The following LYZL4 variants were observed in gnomAD, a reference collection of about 807,000 sequenced individuals.
LYZL4 encodes the protein lysozyme-like protein 4.
Under a neutral mutation model 17.6 loss-of-function variants are expected in LYZL4, and 13 were observed. The ratio of observed to expected loss-of-function variants is 0.74; its 90% CI spans 0.48 to 1.18. The LOEUF is 1.18. Ranked by LOEUF, LYZL4 falls within the 50% of genes most tolerant of loss-of-function variation. The pLI is 0.00. For missense variants in LYZL4, 174 were observed against 188.2 expected (o/e 0.92, Z 0.44); for synonymous variants, 64 against 67.7 (o/e 0.95, Z 0.27).
chr3:42,381,049 G>A, the LYZL4 span, among the ~76,000 whole-genome samples: 1 of 152,204 alleles, frequency 6.6e-6, no homozygotes, highest in Non-Finnish European at 1.5e-5. Context: ...AAAACTCAAT[G>A]TTGCAGACCT....
intron 1 of LYZL4, among the ~76,000 whole-genome samples, chr3:42,408,442 TTCAAATGTTGCTGCA>T (rs1698803304): frequency 6.6e-6 from 1 of 152,158 alleles, no homozygotes; most frequent in Admixed American, 6.5e-5. Flanking sequence ...CCTTTCCCCA[TTCAAATGTTGCTGCA>T]TCTTGAGGCC....
intron 1 of LYZL4, among the ~76,000 whole-genome samples, chr3:42,408,367 A>G (rs1698799835): frequency 6.6e-6 from 1 of 151,602 alleles, no homozygotes; most frequent in Non-Finnish European, 1.5e-5. Context: ...GCACCTCCCC[A>G]CTCCATTCTC....
the LYZL4 span, among the ~76,000 whole-genome samples, chr3:42,381,865 A>G: frequency 1.4e-4 from 21 of 152,350 alleles, no homozygotes; most frequent in South Asian, 2.5e-3. Context: ...AGTCCTGGCC[A>G]GTGACTTTCA....
chr3:42,410,056 A>G (rs1221151714), intron 1 of LYZL4, among the ~76,000 whole-genome samples: 1 of 152,156 alleles, frequency 6.6e-6, no homozygotes, highest in Admixed American at 6.5e-5. Context: ...AGATTCCTTG[A>G]TCACTGCCCC....
the LYZL4 span, among the ~76,000 whole-genome samples, chr3:42,373,220 CAA>C: frequency 4.9e-3 from 743 of 151,984 alleles, 2 homozygotes; most frequent in Middle Eastern, 0.01. Flanking sequence ...AAAATAAAAA[CAA>C]AAAAAGAGTT....
chr3:42,405,109 C>T (rs1191162245), intron 3 of LYZL4, among the ~76,000 whole-genome samples: 1 of 152,038 alleles, frequency 6.6e-6, no homozygotes, highest in Non-Finnish European at 1.5e-5. Context: ...AGTACTGTGG[C>T]GCGATCTGGG....
chr3:42,406,716 C>A (rs558306950), intron 3 of LYZL4, 130 bp downstream of exon 3: 1 of 1,170,950 alleles, frequency 8.5e-7, no homozygotes, highest in Non-Finnish European at 1.2e-6. Flanking sequence ...CAGGGACCCA[C>A]CCTGGATATG....
At chr3:42,382,881 C>G in the LYZL4 span, among the ~76,000 whole-genome samples, 3 of 152,068 alleles carry the variant, frequency 2.0e-5, no homozygotes, top group Non-Finnish European at 4.4e-5. Context: ...GACTCTTTGG[C>G]CAGCATAGAA....
chr3:42,395,709 A>G (rs1698540515), downstream of LYZL4, among the ~76,000 whole-genome samples: 1 of 152,194 alleles, frequency 6.6e-6, no homozygotes, highest in Non-Finnish European at 1.5e-5. Context: ...TGAGAAATAA[A>G]AAGGGGCAGC....
chr3:42,407,442 C>T (rs374636548), intron 1 of LYZL4, 99 bp from the exon 2 acceptor site: 8 of 684,570 alleles, frequency 1.2e-5, no homozygotes, highest in South Asian at 7.9e-5. Context: ...TTCTCTGCTT[C>T]GTGTCACTGC....
chr3:42,387,058 C>T, the LYZL4 span, among the ~76,000 whole-genome samples: 1 of 152,158 alleles, frequency 6.6e-6, no homozygotes, highest in Non-Finnish European at 1.5e-5. Flanking sequence ...AATATTACTC[C>T]AGTCACCCAC....
downstream of LYZL4, among the ~76,000 whole-genome samples, chr3:42,394,620 T>C (rs771837367): frequency 1.3e-5 from 2 of 152,220 alleles, no homozygotes; most frequent in African/African-American, 2.4e-5. Context: ...GATTTCCTAA[T>C]CCAGCTTGGA....
At chr3:42,379,355 T>C in the LYZL4 span, among the ~76,000 whole-genome samples, 1 of 152,116 alleles carries the variant, frequency 6.6e-6, no homozygotes, top group Admixed American at 6.5e-5. Flanking sequence ...AAAGTGTGAG[T>C]GCCAGTTTCT....
At chr3:42,378,907 T>C in the LYZL4 span, among the ~76,000 whole-genome samples, 1 of 152,194 alleles carries the variant, frequency 6.6e-6, no homozygotes, top group Admixed American at 6.5e-5. Flanking sequence ...TACATAAAGA[T>C]GTCACAGGTG....
chr3:42,397,545 C>T (rs1428688870), intron 4 of LYZL4, among the ~76,000 whole-genome samples: 2 of 152,190 alleles, frequency 1.3e-5, no homozygotes. Flanking sequence ...TTCCTCCATC[C>T]TAGTGCCCAC....
At chr3:42,376,776 G>A in the LYZL4 span, among the ~76,000 whole-genome samples, 1 of 152,162 alleles carries the variant, frequency 6.6e-6, no homozygotes, top group Admixed American at 6.5e-5. Context: ...GAGCCATACT[G>A]CTGCAAAAGA....
chr3:42,390,763 C>T, the LYZL4 span, among the ~76,000 whole-genome samples: 1 of 152,196 alleles, frequency 6.6e-6, no homozygotes, highest in East Asian at 1.9e-4. Context: ...AGATTGACTA[C>T]ATGCCTATAT....
At chr3:42,407,597 T>G (rs1451430834) in intron 1 of LYZL4, 1 of 250,360 alleles carries the variant, frequency 4.0e-6, no homozygotes, top group African/African-American at 2.2e-5. Context: ...TGTATCTCAC[T>G]CATTTCACTC....
the LYZL4 span, among the ~76,000 whole-genome samples, chr3:42,360,925 T>C: frequency 1.3e-5 from 2 of 152,184 alleles, no homozygotes; most frequent in Non-Finnish European, 2.9e-5. Flanking sequence ...GCCTGATATG[T>C]TTTCAATTTT....
Sources: allele counts gnomAD v4.1 joint callset (sites outside exome capture counted in the v4.1 genomes callset), GRCh38; gene constraint gnomAD v4.1.1; transcripts MANE v1.5; gene names NCBI Gene and HGNC (gene_info 2026-07-23, HGNC 2026-07-21).